Variants in LOC400499 observed in about 807,000 individuals in gnomAD.
At chr16:11,427,526 T>C in the LOC400499 span, among the ~76,000 whole-genome samples, 1 of 152,010 alleles carries the variant, frequency 6.6e-6, no homozygotes, top group Admixed American at 6.6e-5. Context: ...CTCACTGCAA[T>C]GTCCACCTCC....
the LOC400499 span, among the ~76,000 whole-genome samples, chr16:11,419,328 T>C: frequency 2.6e-5 from 4 of 151,780 alleles, no homozygotes; most frequent in Non-Finnish European, 5.9e-5. Flanking sequence ...TTGACAAACC[T>C]GAGAAAAACA....
chr16:11,433,517 C>A, the LOC400499 span, among the ~76,000 whole-genome samples: 7 of 152,140 alleles, frequency 4.6e-5, no homozygotes. Context: ...TGTCCCTAAT[C>A]CTTGACACAG....
At chr16:11,443,616 C>T in the LOC400499 span, among the ~76,000 whole-genome samples, 10 of 152,072 alleles carry the variant, frequency 6.6e-5, no homozygotes, top group African/African-American at 1.9e-4. Flanking sequence ...GAAGAAGACC[C>T]GGATGGGGTT....
the LOC400499 span, among the ~76,000 whole-genome samples, chr16:11,432,794 G>C: frequency 2.1e-4 from 32 of 152,144 alleles, no homozygotes; most frequent in Non-Finnish European, 7.4e-5. Context: ...CACTTCCTGA[G>C]GGCCACTGCA....
At chr16:11,410,217 G>A in the LOC400499 span, among the ~76,000 whole-genome samples, 3 of 152,228 alleles carry the variant, frequency 2.0e-5, no homozygotes, top group Admixed American at 1.3e-4. Flanking sequence ...ACTTTGGGAG[G>A]CCGAGGTGGG....
the LOC400499 span, among the ~76,000 whole-genome samples, chr16:11,461,820 C>G: frequency 1.3e-5 from 2 of 152,356 alleles, no homozygotes; most frequent in Non-Finnish European, 2.9e-5. Flanking sequence ...CCAGGGCCAG[C>G]ACCTGCTCAC....
the LOC400499 span, chr16:11,471,994 C>G: frequency 2.5e-6 from 1 of 395,662 alleles, no homozygotes; most frequent in Non-Finnish European, 4.4e-6. Flanking sequence ...GTTTCTCTGC[C>G]TCAGCACTGC....
chr16:11,440,135 C>T, the LOC400499 span, among the ~76,000 whole-genome samples: 1 of 151,960 alleles, frequency 6.6e-6, no homozygotes, highest in African/African-American at 2.4e-5. Flanking sequence ...ACAGTGTCAC[C>T]CAGCAGAGAT....
At chr16:11,446,870 G>C in the LOC400499 span, 4 of 1,535,896 alleles carry the variant, frequency 2.6e-6, no homozygotes, top group African/African-American at 4.1e-5. Context: ...AAGGTCTCCT[G>C]CAGGAGGAGG....
the LOC400499 span, among the ~76,000 whole-genome samples, chr16:11,514,748 G>A: frequency 6.6e-6 from 1 of 152,282 alleles, no homozygotes; most frequent in Non-Finnish European, 1.5e-5. Context: ...ATCAGCCCAG[G>A]CAAAGGCACA....
At chr16:11,458,128 C>T in the LOC400499 span, among the ~76,000 whole-genome samples, 5 of 152,190 alleles carry the variant, frequency 3.3e-5, no homozygotes, top group African/African-American at 9.6e-5. Context: ...GCGGATCACC[C>T]GAGGTCAGGA....
chr16:11,451,284 A>G, the LOC400499 span, among the ~76,000 whole-genome samples: 1 of 152,222 alleles, frequency 6.6e-6, no homozygotes, highest in African/African-American at 2.4e-5. Context: ...TTTTTTCATA[A>G]TAAAACATTG....
At chr16:11,437,222 T>A in the LOC400499 span, among the ~76,000 whole-genome samples, 1 of 152,162 alleles carries the variant, frequency 6.6e-6, no homozygotes, top group Non-Finnish European at 1.5e-5. Flanking sequence ...CTGTTATGAA[T>A]GATGCCGTAA....
At chr16:11,486,604 G>T in the LOC400499 span, among the ~76,000 whole-genome samples, 1 of 47,634 alleles carries the variant, frequency 2.1e-5, no homozygotes, top group African/African-American at 9.3e-5. Flanking sequence ...TGGGTGGGTG[G>T]TTAGATGAAT....
the LOC400499 span, chr16:11,396,522 C>A: frequency 8.1e-7 from 1 of 1,232,204 alleles, no homozygotes; most frequent in Non-Finnish European, 1.0e-6. Flanking sequence ...TCCAGTGCCC[C>A]GGAGAAGTCA....
chr16:11,414,528 T>G, the LOC400499 span: 1 of 399,568 alleles, frequency 2.5e-6, no homozygotes, highest in Non-Finnish European at 4.4e-6. Context: ...GAGAATGGCA[T>G]GGGCTACTGA....
the LOC400499 span, among the ~76,000 whole-genome samples, chr16:11,498,575 C>T: frequency 6.6e-6 from 1 of 152,090 alleles, no homozygotes; most frequent in Non-Finnish European, 1.5e-5. Flanking sequence ...TTGCCCCTCA[C>T]TCCCCACTTC....
chr16:11,436,319 T>C, the LOC400499 span, among the ~76,000 whole-genome samples: 1 of 152,048 alleles, frequency 6.6e-6, no homozygotes, highest in Non-Finnish European at 1.5e-5. Flanking sequence ...ACCCAGAACT[T>C]CTGAGGTTCA....
At chr16:11,386,941 C>G in the LOC400499 span, among the ~76,000 whole-genome samples, 1 of 152,242 alleles carries the variant, frequency 6.6e-6, no homozygotes, top group Non-Finnish European at 1.5e-5. Context: ...GACTTATATT[C>G]TGGACAAAAG....
Sources: allele counts gnomAD v4.1 joint callset (sites outside exome capture counted in the v4.1 genomes callset), GRCh38; gene constraint gnomAD v4.1.1; transcripts MANE v1.5.